The following TEX14 variants were observed in gnomAD, a reference collection of about 807,000 sequenced individuals.
TEX14 encodes the protein inactive serine/threonine-protein kinase TEX14.
TEX14 carries 168 observed loss-of-function variants against 178.6 expected under a neutral mutation model. The ratio of observed to expected loss-of-function variants is 0.94; its 90% CI spans 0.83 to 1.07. The LOEUF (loss-of-function observed/expected upper bound fraction) is 1.07. Ranked by LOEUF, TEX14 falls within the 50% of genes least tolerant of loss-of-function variation. TEX14 has a pLI of 0.00. For missense variants in TEX14, 1,730 were observed against 1,753.6 expected (o/e 0.99, Z 0.24); for synonymous variants, 626 against 634.1 (o/e 0.99, Z 0.19).
intron 15 of TEX14, among the ~76,000 whole-genome samples, chr17:58,592,897 T>C (rs1048553762): frequency 2.0e-5 from 3 of 152,176 alleles, no homozygotes; most frequent in African/African-American, 7.2e-5. Context: ...AATATATGTA[T>C]GTATGTATAC....
At chr17:58,660,829 A>T (rs370653918) in intron 1 of TEX14, 31 of 784,688 alleles carry the variant, frequency 4.0e-5, no homozygotes, top group Non-Finnish European at 6.9e-5. Flanking sequence ...AGCCAGCGCC[A>T]AATACTTTGG....
At chr17:58,578,425 T>G (rs11658998) in intron 20 of TEX14, among the ~76,000 whole-genome samples, 34,363 of 152,078 alleles carry the variant, frequency 0.23, 4,222 homozygotes, top group South Asian at 0.33. Context: ...AAAAAGTCAG[T>G]GGCAGAATGG....
chr17:58,653,683 G>A (rs1350592308), intron 1 of TEX14, among the ~76,000 whole-genome samples: 1 of 152,106 alleles, frequency 6.6e-6, no homozygotes, highest in Non-Finnish European at 1.5e-5. Context: ...TTTCTCTGCT[G>A]CAACCCAGTG....
At chr17:58,666,951 G>C (rs1486073349) in intron 1 of TEX14, among the ~76,000 whole-genome samples, 2 of 152,164 alleles carry the variant, frequency 1.3e-5, no homozygotes, top group Non-Finnish European at 2.9e-5. Flanking sequence ...TGGTCAGAGA[G>C]CGCAACTGCG....
rs189827833 is a variant in TEX14 at position 58,623,843 on chromosome 17, G to A, written c.252-831C>T. 4.4e-3 allele frequency among the ~76,000 whole-genome samples: 664 copies of A among 151,832 alleles called. 3 individuals carry two copies. Among genetic ancestry groups the A allele is most frequent in the African/African-American group, 0.015 (632 of 41,366 alleles). ...AAGGGGAGGGGGAGGCAGAGGAGGA[G>A]GAGGAGAAAGAAAAGGATGATGAAG... On this transcript the variant is annotated intron_variant, in intron 3 of 31. Coordinates refer to ENST00000349033, the MANE Select transcript of TEX14 (RefSeq NM_031272.5).
intron 3 of TEX14, among the ~76,000 whole-genome samples, chr17:58,625,130 T>G (rs537771005): frequency 4.3e-4 from 46 of 106,298 alleles, no homozygotes; most frequent in African/African-American, 2.3e-3. Context: ...GTTTTTTGGG[T>G]TTTTTTTTTT....
intron 23 of TEX14, 94 bp from the exon 24 acceptor site, chr17:58,572,220 TATG>T: frequency 1.3e-6 from 1 of 768,812 alleles, no homozygotes; most frequent in Non-Finnish European, 2.1e-6. Flanking sequence ...TCTGCCCCAA[TATG>T]ATGTGCAGAA....
intron 1 of TEX14, among the ~76,000 whole-genome samples, chr17:58,657,430 T>A (rs879370737): frequency 4.6e-5 from 7 of 151,668 alleles, no homozygotes; most frequent in Non-Finnish European, 7.4e-5. Context: ...ACTCAGATAT[T>A]GAGGGGAATA....
Position 58,561,514 on chromosome 17 carries a change from A to G in TEX14, c.4157+6T>C, listed in dbSNP as rs1743486888. On this transcript the variant is annotated splice_donor_region_variant and intron_variant, in intron 29 of 31. Transcript: ENST00000349033. ...AGAAAAGGATTCCCCTTTGGGGAAC[A>G]ATAACCTTTCAGAGCCCTTGGGAAG... 3 of 1,605,544 alleles carry G rather than the reference A, an allele frequency of 1.9e-6. No individual in the cohort carries two copies. Among genetic ancestry groups the G allele is most frequent in the Non-Finnish European group, 2.6e-6 (3 of 1,172,542 alleles).
At chr17:58,570,581 AACTC>A (rs1232426574) in intron 24 of TEX14, 97 bp from the exon 25 acceptor site, 5 of 764,988 alleles carry the variant, frequency 6.5e-6, no homozygotes, top group African/African-American at 5.7e-5. Context: ...GATTAAGTCA[AACTC>A]ACTCACATGT....
chr17:58,675,218 A>G (rs2047376838), intron 1 of TEX14: 1 of 152,162 alleles, frequency 6.6e-6, no homozygotes, highest in African/African-American at 2.4e-5. Flanking sequence ...TCAGGGTAAT[A>G]CAAATCAAAA....
chr17:58,687,019 G>A (rs1294133857), intron 1 of TEX14, among the ~76,000 whole-genome samples: 1 of 151,754 alleles, frequency 6.6e-6, no homozygotes, highest in Non-Finnish European at 1.5e-5. Context: ...GATTACAGAT[G>A]CCCACCACCA....
chr17:58,606,754 G>A (rs1202498037), intron 10 of TEX14, among the ~76,000 whole-genome samples: 2 of 151,500 alleles, frequency 1.3e-5, no homozygotes, highest in Admixed American at 1.3e-4. Flanking sequence ...AGGGCCAGGA[G>A]CAGTGGCTCA....
intron 10 of TEX14, among the ~76,000 whole-genome samples, chr17:58,607,012 CAAAAAAAAAA>C (rs35155837): frequency 0.28 from 26,069 of 92,950 alleles, 2,564 homozygotes; most frequent in East Asian, 0.32. Flanking sequence ...GCTACTGTCT[CAAAAAAAAAA>C]AAAAAAAAAA....
chr17:58,564,348 T>C (rs1394159219), intron 28 of TEX14: 1 of 152,074 alleles, frequency 6.6e-6, no homozygotes, highest in African/African-American at 2.4e-5. Flanking sequence ...AAGAAGGAAA[T>C]GCTGACACGT....
At chr17:58,677,516 A>C (rs1417140690) in intron 1 of TEX14, 1 of 152,238 alleles carries the variant, frequency 6.6e-6, no homozygotes, top group East Asian at 1.9e-4. Flanking sequence ...AGCAAGGAGA[A>C]GCCAAACACG....
chr17:58,658,048 A>T (rs2047006111), intron 1 of TEX14, among the ~76,000 whole-genome samples: 1 of 152,184 alleles, frequency 6.6e-6, no homozygotes. Context: ...CAGCACAAGA[A>T]GACAGCTTTG....
intron 19 of TEX14, among the ~76,000 whole-genome samples, chr17:58,583,924 A>C (rs537610850): frequency 6.6e-6 from 1 of 152,332 alleles, no homozygotes; most frequent in East Asian, 1.9e-4. Flanking sequence ...AAATGATTGC[A>C]ATCCCATGTC....
intron 2 of TEX14, among the ~76,000 whole-genome samples, chr17:58,635,888 G>A (rs1248376246): frequency 6.6e-6 from 1 of 152,154 alleles, no homozygotes; most frequent in East Asian, 1.9e-4. Context: ...TGGGATCACA[G>A]GCAGCCGCCA....
Sources: allele counts gnomAD v4.1 joint callset (sites outside exome capture counted in the v4.1 genomes callset), GRCh38; gene constraint gnomAD v4.1.1; transcripts MANE v1.5; gene names NCBI Gene and HGNC (gene_info 2026-07-23, HGNC 2026-07-21).